SYNPR: variants seen among roughly 807,000 people sequenced by gnomAD.
SYNPR encodes the protein synaptoporin.
Under a neutral mutation model 32.9 loss-of-function variants are expected in SYNPR, and 23 were observed. The ratio of observed to expected loss-of-function variants is 0.70; its 90% CI spans 0.50 to 0.99. The LOEUF (loss-of-function observed/expected upper bound fraction) is 0.99, where lower values mean the gene tolerates loss of function less well. Ranked by LOEUF, SYNPR falls within the 50% of genes least tolerant of loss-of-function variation. The pLI, the probability that SYNPR is intolerant of heterozygous loss-of-function variation, is 0.00. For missense variants in SYNPR, 318 were observed against 349.3 expected (o/e 0.91, Z 0.71); for synonymous variants, 146 against 135.9 (o/e 1.07, Z -0.52).
At chr3:63,597,043 G>A (rs888764428) in intron 4 of SYNPR, among the ~76,000 whole-genome samples, 2 of 152,080 alleles carry the variant, frequency 1.3e-5, no homozygotes, top group Non-Finnish European at 2.9e-5. Flanking sequence ...TAATTTTGAT[G>A]TATTGGGGTT....
intron 2 of SYNPR, among the ~76,000 whole-genome samples, chr3:63,449,307 C>T (rs1225665127): frequency 3.3e-5 from 5 of 151,964 alleles, no homozygotes; most frequent in African/African-American, 1.2e-4. Context: ...AAGCCAAGTA[C>T]ACTACTAGAT....
intron 2 of SYNPR, among the ~76,000 whole-genome samples, chr3:63,394,822 T>G (rs2088190515): frequency 6.6e-6 from 1 of 152,204 alleles, no homozygotes; most frequent in African/African-American, 2.4e-5. Context: ...ATTATTCTTT[T>G]AGAAAATTTT....
chr3:63,409,316 C>A (rs543448290), intron 2 of SYNPR, among the ~76,000 whole-genome samples: 7 of 152,138 alleles, frequency 4.6e-5, no homozygotes, highest in Admixed American at 1.3e-4. Flanking sequence ...TCTGCTGTAA[C>A]TACATCAGTT....
At chr3:63,477,717 G>A (rs781280803) in intron 2 of SYNPR, among the ~76,000 whole-genome samples, 2 of 151,756 alleles carry the variant, frequency 1.3e-5, no homozygotes, top group Non-Finnish European at 2.9e-5. Flanking sequence ...GCCGAGCCAC[G>A]TGCTGGCTCC....
At chr3:63,309,365 T>G (rs2086939732) in intron 2 of SYNPR, among the ~76,000 whole-genome samples, 4 of 152,038 alleles carry the variant, frequency 2.6e-5, no homozygotes, top group South Asian at 4.1e-4. Context: ...TATTTTCCTG[T>G]GTGTTTGCAT....
chr3:63,344,301 T>A (rs1343447272), intron 2 of SYNPR, among the ~76,000 whole-genome samples: 1 of 152,182 alleles, frequency 6.6e-6, no homozygotes, highest in Non-Finnish European at 1.5e-5. Flanking sequence ...CTCTCCTACC[T>A]ATCTTATGAT....
chr3:63,248,661 G>A (rs1470219904), intron 1 of SYNPR, among the ~76,000 whole-genome samples: 1 of 152,072 alleles, frequency 6.6e-6, no homozygotes, highest in Admixed American at 6.6e-5. Context: ...GATTGTTGTG[G>A]AAACTGTTTG....
intron 3 of SYNPR, among the ~76,000 whole-genome samples, chr3:63,514,941 C>G (rs1392331508): frequency 6.6e-6 from 1 of 152,022 alleles, no homozygotes; most frequent in Non-Finnish European, 1.5e-5. Context: ...CCTTCCGTTA[C>G]AGAGATAAAT....
At chr3:63,476,047 G>A (rs1202939732) in intron 2 of SYNPR, among the ~76,000 whole-genome samples, 10 of 148,064 alleles carry the variant, frequency 6.8e-5, no homozygotes, top group Non-Finnish European at 1.2e-4. Flanking sequence ...GAGGAAGAAA[G>A]AGAAGGAGAG....
chr3:63,494,670 C>T (rs772948579), intron 3 of SYNPR, among the ~76,000 whole-genome samples: 1 of 151,844 alleles, frequency 6.6e-6, no homozygotes, highest in African/African-American at 2.4e-5. Flanking sequence ...GCTAACAACA[C>T]CTCTATGAGA....
chr3:63,210,778 C>G, the SYNPR span, among the ~76,000 whole-genome samples: 1 of 146,532 alleles, frequency 6.8e-6, no homozygotes, highest in Non-Finnish European at 1.5e-5. Context: ...CCCTCCCTCC[C>G]ATCTTCCCAT....
intron 1 of SYNPR, among the ~76,000 whole-genome samples, chr3:63,233,515 T>C (rs2086180459): frequency 6.6e-6 from 1 of 152,222 alleles, no homozygotes; most frequent in Non-Finnish European, 1.5e-5. Context: ...ACCACTGCCA[T>C]TACTAAATTC....
chr3:63,452,405 T>C (rs984296495), intron 2 of SYNPR, among the ~76,000 whole-genome samples: 5 of 152,202 alleles, frequency 3.3e-5, no homozygotes, highest in African/African-American at 1.2e-4. Context: ...GTTTTATGCA[T>C]ATTAATTCAT....
intron 3 of SYNPR, among the ~76,000 whole-genome samples, chr3:63,512,750 G>A (rs1432888284): frequency 6.6e-6 from 1 of 152,148 alleles, no homozygotes; most frequent in East Asian, 1.9e-4. Flanking sequence ...AGAAAACACA[G>A]CCCTGCTTGA....
At chr3:63,261,428 A>G (rs1257054151) in intron 2 of SYNPR, among the ~76,000 whole-genome samples, 3 of 151,672 alleles carry the variant, frequency 2.0e-5, no homozygotes, top group Non-Finnish European at 4.4e-5. Context: ...GACATGGATG[A>G]AATTGGAAAT....
At chr3:63,550,789 TAAG>T (rs1267119463) in intron 3 of SYNPR, among the ~76,000 whole-genome samples, 2 of 152,196 alleles carry the variant, frequency 1.3e-5, no homozygotes, top group African/African-American at 4.8e-5. Flanking sequence ...TGGTTTATTC[TAAG>T]AAGATCTTTC....
At chr3:63,416,543 A>C (rs1342918414) in intron 2 of SYNPR, among the ~76,000 whole-genome samples, 2 of 149,162 alleles carry the variant, frequency 1.3e-5, no homozygotes, top group East Asian at 1.9e-4. Flanking sequence ...AAAAAAAAAA[A>C]AAAAAAAAAC....
At chr3:63,318,598 CT>C (rs1281114738) in intron 2 of SYNPR, among the ~76,000 whole-genome samples, 1 of 151,898 alleles carries the variant, frequency 6.6e-6, no homozygotes, top group Non-Finnish European at 1.5e-5. Flanking sequence ...CCAAAGTTTC[CT>C]GAATTTTTGA....
At chr3:63,303,174 A>G (rs969542192) in intron 2 of SYNPR, among the ~76,000 whole-genome samples, 9 of 151,384 alleles carry the variant, frequency 5.9e-5, no homozygotes, top group African/African-American at 2.2e-4. Flanking sequence ...GTAATTCTGA[A>G]CTCAGGGTAA....
Sources: allele counts gnomAD v4.1 joint callset (sites outside exome capture counted in the v4.1 genomes callset), GRCh38; gene constraint gnomAD v4.1.1; transcripts MANE v1.5; gene names NCBI Gene and HGNC (gene_info 2026-07-23, HGNC 2026-07-21).